HMCN2: variants seen among roughly 807,000 people sequenced by gnomAD.
HMCN2 encodes hemicentin 2.
A neutral mutation model predicts 377.5 loss-of-function variants in HMCN2; 325 were observed. The ratio of observed to expected loss-of-function variants is 0.86; its 90% confidence interval spans 0.79 to 0.94. The LOEUF (loss-of-function observed/expected upper bound fraction) is 0.94. HMCN2 is among the 40% of genes least tolerant of loss of function. The probability of loss-of-function intolerance (pLI) is 0.00; values close to 1 mark genes in which losing one functional copy is unlikely to be tolerated. For synonymous variants in HMCN2, 2,007 were observed against 2,046.8 expected (o/e 0.98, Z 0.53); for missense variants, 4,543 against 4,725.3 (o/e 0.96, Z 1.13).
chr9:130,317,422 G>C (rs1224379209), intron 15 of HMCN2, among the ~76,000 whole-genome samples: 2 of 151,324 alleles, frequency 1.3e-5, no homozygotes, highest in African/African-American at 4.9e-5. Context: ...AGTGAGCTAT[G>C]ATTGTGCCAC....
intron 86 of HMCN2, among the ~76,000 whole-genome samples, chr9:130,420,241 G>C (rs1019277979): frequency 6.6e-6 from 1 of 151,698 alleles, no homozygotes; most frequent in Non-Finnish European, 1.5e-5. Flanking sequence ...TGCCCGGCTA[G>C]TTTTTTGTAT....
In HMCN2 at chr9:130,340,601, C is replaced by T. The variant is rs1838993181; in HGVS notation, c.3488-510C>T. On this transcript the variant is annotated intron_variant, in intron 23 of 97. Transcript: ENST00000683500. ...GTGGCACAATCTCAGCTCACTGTAA[C>T]CTCCGCCTCCCGGGTTCAAGCAATT... Among the ~76,000 whole-genome samples the T allele has an allele frequency of 2.0e-5, 3 of 150,454 alleles. No homozygotes were observed. The South Asian group carries it at 6.5e-4, about 32-fold the overall frequency.
chr9:130,296,081 C>T (rs782337767), intron 6 of HMCN2, among the ~76,000 whole-genome samples: 1 of 152,174 alleles, frequency 6.6e-6, no homozygotes, highest in Admixed American at 6.5e-5. Context: ...GCAACAGCAA[C>T]TTTGGTGGGA....
Position 130,433,787 on chromosome 9 carries a change from C to CT in HMCN2, c.*94_*95insT. 1 of 1,036,444 alleles carries CT rather than the reference C, an allele frequency of 9.6e-7. No individual in the cohort carries two copies. Among genetic ancestry groups the CT allele is most frequent in the Non-Finnish European group, 1.3e-6 (1 of 755,456 alleles). The allele number at this position is 1,036,444 out of a possible 1,614,324, so 64.2% of individuals were successfully genotyped here. A position where few individuals can be genotyped will look rare whatever the true frequency, so the allele number is the denominator to read the frequency against. ...ACGCCACCTGCTGTGGCAAGCGGAG[C>CT]GTCATCGTCTCCCGCCCCGTGCGTC... On this transcript the variant is annotated 3_prime_UTR_variant, in exon 98 of 98. Coordinates refer to ENST00000683500, the MANE Select transcript of HMCN2 (RefSeq NM_001291815.2).
At chr9:130,313,926 C>T (rs1369736936) in intron 15 of HMCN2, among the ~76,000 whole-genome samples, 8 of 152,132 alleles carry the variant, frequency 5.3e-5, no homozygotes, top group East Asian at 1.9e-4. Context: ...ATTACAGACA[C>T]GCACCACCAT....
chr9:130,358,058 T>C, intron 35 of HMCN2, 70 bp downstream of exon 35: 1 of 1,210,656 alleles, frequency 8.3e-7, no homozygotes, highest in Non-Finnish European at 1.1e-6. Context: ...GGGGGCTTCC[T>C]GGAGACTCTG....
intron 1 of HMCN2, among the ~76,000 whole-genome samples, chr9:130,271,520 C>A (rs1329467359): frequency 4.0e-5 from 6 of 149,250 alleles, no homozygotes; most frequent in Non-Finnish European, 9.0e-5. Flanking sequence ...TGACTGTGGT[C>A]ATCGGGAGCT....
In HMCN2 at chr9:130,307,568, T is replaced by C. The variant is rs1554937320; in HGVS notation, c.2200+2T>C. The C allele has an allele frequency of 2.1e-6, 1 of 470,546 alleles. No homozygotes were observed. Among genetic ancestry groups the C allele is most frequent in the South Asian group, 1.5e-5 (1 of 64,536 alleles). 29.1% of individuals were successfully genotyped at this position (470,546 alleles called of 1,614,324 possible). ...CGCCCCGAGTCATCTGGTATCGAGGTGTGTTGGTGGGGAGGGGCCCTGAAG... is the reference window on the plus strand; with the variant it reads ...CGCCCCGAGTCATCTGGTATCGAGGCGTGTTGGTGGGGAGGGGCCCTGAAG... On this transcript the variant is annotated splice_donor_variant, in intron 14 of 97. Coordinates refer to ENST00000683500, the MANE Select transcript of HMCN2 (RefSeq NM_001291815.2). LOFTEE classifies it high-confidence loss of function.
rs1036707235 is a variant in HMCN2 at position 130,355,802 on chromosome 9, C to T, written c.5203C>T (p.Gln1735Ter). 1 of 1,303,796 alleles carries T rather than the reference C, an allele frequency of 7.7e-7. No homozygotes were observed. Among genetic ancestry groups the T allele is most frequent in the African/African-American group, 1.5e-5 (1 of 65,890 alleles). 80.8% of individuals were successfully genotyped at this position (1,303,796 alleles called of 1,614,324 possible). Residue 1735 changes from glutamine (Q) to a stop codon, truncating the protein, a stop_gained, in exon 33 of 98, where the codon CAG becomes TAG. Coordinates refer to ENST00000683500, the MANE Select transcript of HMCN2 (RefSeq NM_001291815.2). LOFTEE classifies it high-confidence loss of function. ...GGGACAGGTGACCACCATCGTGGGACAGCCCCTGGAACTTCCCTGCCAGGC... is the reference window on the plus strand; with the variant it reads ...GGGACAGGTGACCACCATCGTGGGATAGCCCCTGGAACTTCCCTGCCAGGC... ...GLGQVTTIVG[Q>*]PLELPCQASG... is the part of the protein sequence containing the mutation.
At chr9:130,283,945 C>G (rs1485884409) in intron 1 of HMCN2, among the ~76,000 whole-genome samples, 3 of 152,174 alleles carry the variant, frequency 2.0e-5, no homozygotes, top group African/African-American at 7.2e-5. Flanking sequence ...TGTGGAATGG[C>G]TGGACCCCAT....
intron 44 of HMCN2, among the ~76,000 whole-genome samples, chr9:130,368,659 A>C (rs958516221): frequency 1.3e-5 from 2 of 152,062 alleles, no homozygotes; most frequent in Non-Finnish European, 2.9e-5. Context: ...ACAGTTCCAC[A>C]TGGCTGGGGA....
rs1486551825 is a variant in HMCN2 at position 130,325,817 on chromosome 9, A to G, written c.3040A>G (p.Asn1014Asp). Residue 1014 changes from asparagine to aspartate, a missense_variant, in exon 21 of 98, where the codon AAT becomes GAT. This residue lies in a region of HMCN2 where 547 missense variants were observed against 189.9 expected (regional missense o/e 2.88). Coordinates refer to ENST00000683500, the MANE Select transcript of HMCN2 (RefSeq NM_001291815.2). ...APTITWTKET[N>D]ALTSRGPHYN... ...ACCTGTGCCTCTGCCCTAGGAAACC[A>G]ATGCCCTGACCTCCAGAGGTCCCCA... 2.6e-5 allele frequency: 4 copies of G among 152,388 alleles called. No individual in the cohort carries two copies. The highest frequency in any genetic ancestry group is 9.6e-5 in the African/African-American group (4 of 41,570). The allele number at this position is 152,388 out of a possible 1,614,324, so 9.4% of individuals were successfully genotyped here.
chr9:130,306,279 C>A lies in HMCN2; in HGVS notation c.1958+9C>A, dbSNP rs1554936722. 1.1e-5 allele frequency: 5 copies of A among 470,852 alleles called. No homozygotes were observed. The highest frequency in any genetic ancestry group is 4.4e-6 in the Non-Finnish European group (1 of 226,860). 29.2% of individuals were successfully genotyped at this position (470,852 alleles called of 1,614,324 possible). On this transcript the variant is annotated intron_variant, in intron 12 of 97. Coordinates refer to ENST00000683500, the MANE Select transcript of HMCN2 (RefSeq NM_001291815.2). ...CTACAAGAGGACAGCAGGTGAGGGG[C>A]CCAGGACACAAATCTCAGGGACTCA...
intron 22 of HMCN2, among the ~76,000 whole-genome samples, chr9:130,332,443 A>T (rs1251505244): frequency 6.6e-6 from 1 of 152,158 alleles, no homozygotes; most frequent in Non-Finnish European, 1.5e-5. Context: ...CCTGCCTGGT[A>T]GGTCTGGCTG....
chr9:130,348,259 TG>T (rs1839497455), intron 26 of HMCN2, among the ~76,000 whole-genome samples: 1 of 152,200 alleles, frequency 6.6e-6, no homozygotes, highest in Non-Finnish European at 1.5e-5. Context: ...GACACCAGGT[TG>T]GGTGTAGAAC....
intron 1 of HMCN2, among the ~76,000 whole-genome samples, chr9:130,266,931 G>A (rs746557672): frequency 6.7e-6 from 1 of 149,628 alleles, no homozygotes; most frequent in South Asian, 2.1e-4. Context: ...GCGGCGAGGA[G>A]CAGGACTGCT....
At chr9:130,307,016 T>C (rs1554937076) in intron 13 of HMCN2, 78 bp downstream of exon 13, 3 of 406,004 alleles carry the variant, frequency 7.4e-6, no homozygotes, top group Non-Finnish European at 1.0e-5. Flanking sequence ...TCCATCAGTA[T>C]TTATGGAGCA....
At chr9:130,373,757 G>A (rs1588337259) in intron 48 of HMCN2, among the ~76,000 whole-genome samples, 1 of 146,658 alleles carries the variant, frequency 6.8e-6, no homozygotes, top group African/African-American at 2.5e-5. Flanking sequence ...AGATGGATAG[G>A]TAGGTGGATG....
chr9:130,349,701 G>T (rs1195128502), intron 29 of HMCN2, 38 bp downstream of exon 29: 2 of 1,291,110 alleles, frequency 1.5e-6, no homozygotes, highest in Non-Finnish European at 2.0e-6. Context: ...GTGTGGTGGT[G>T]CCCAGACTCA....
Sources: gnomAD v4.1 joint callset for allele counts (sites outside exome capture counted in the v4.1 genomes callset) on GRCh38, gnomAD v4.1.1 for gene constraint, gnomAD v4.1.1 regional missense constraint, MANE v1.5 for transcripts, NCBI Gene and HGNC (gene_info 2026-07-23, HGNC 2026-07-21) for gene names.